The following SBF2 variants were observed in gnomAD, a reference collection of about 807,000 sequenced individuals.
SBF2 encodes SET binding factor 2, also known as myotubularin-related protein 13.
In SBF2, 112 loss-of-function variants were observed where a neutral mutation model predicts 225.2. That is an observed-to-expected ratio of 0.50 (90% confidence interval 0.43 to 0.58). The LOEUF (loss-of-function observed/expected upper bound fraction) is 0.58. Ranked by LOEUF, SBF2 falls within the 20% of genes least tolerant of loss-of-function variation. The probability of loss-of-function intolerance (pLI) is 0.00; values close to 1 mark genes in which losing one functional copy is unlikely to be tolerated. For synonymous variants in SBF2, 763 were observed against 773.3 expected, an observed-to-expected ratio of 0.99 and a Z score of 0.22; for missense variants, 1,996 against 2,206.2, an observed-to-expected ratio of 0.90 and a Z score of 1.91.
chr11:9,953,610 C>T (rs1044217419), intron 16 of SBF2, among the ~76,000 whole-genome samples: 16 of 152,140 alleles, frequency 1.1e-4, no homozygotes, highest in Non-Finnish European at 1.6e-4. Flanking sequence ...TCCAGCTTGA[C>T]GCAAAACTTT....
chr11:9,794,176 G>A (rs1852938748), intron 33 of SBF2, among the ~76,000 whole-genome samples: 1 of 151,620 alleles, frequency 6.6e-6, no homozygotes, highest in Non-Finnish European at 1.5e-5. Flanking sequence ...AGGAGACCCT[G>A]CCTCAAAAAC....
intron 6 of SBF2, among the ~76,000 whole-genome samples, chr11:10,006,519 T>A (rs937165710): frequency 2.6e-5 from 4 of 152,188 alleles, no homozygotes; most frequent in African/African-American, 9.6e-5. Context: ...CCCACTTACT[T>A]GCTTTTTTTG....
At chr11:9,966,381 C>T (rs7930854) in intron 14 of SBF2, among the ~76,000 whole-genome samples, 5,705 of 152,268 alleles carry the variant, frequency 0.037, 338 homozygotes, top group African/African-American at 0.13. Context: ...TGAGCCACCA[C>T]GCCCAGCCAG....
intron 16 of SBF2, among the ~76,000 whole-genome samples, chr11:9,911,458 G>A (rs577852578): frequency 5.9e-5 from 9 of 151,946 alleles, no homozygotes; most frequent in East Asian, 1.9e-4. Flanking sequence ...ATACAATACC[G>A]TGGCTTTTAA....
chr11:9,846,250 T>TCAG (rs1371839027), intron 23 of SBF2, among the ~76,000 whole-genome samples: 3 of 152,168 alleles, frequency 2.0e-5, no homozygotes, highest in African/African-American at 7.2e-5. Context: ...AGCCTAAAGA[T>TCAG]CAGCAGCCTT....
chr11:10,227,677 C>G (rs1050618650), intron 1 of SBF2, among the ~76,000 whole-genome samples: 5 of 152,124 alleles, frequency 3.3e-5, no homozygotes, highest in African/African-American at 1.2e-4. Flanking sequence ...TTCCATTGGT[C>G]TATATATCTG....
At chr11:10,026,730 C>T (rs1565148579) in intron 6 of SBF2, among the ~76,000 whole-genome samples, 1 of 151,956 alleles carries the variant, frequency 6.6e-6, no homozygotes, top group South Asian at 2.1e-4. Flanking sequence ...TGACTAAGAT[C>T]CTGTCTCCAA....
At chr11:10,168,937 T>C (rs1956081653) in intron 2 of SBF2, among the ~76,000 whole-genome samples, 1 of 152,244 alleles carries the variant, frequency 6.6e-6, no homozygotes, top group Admixed American at 6.5e-5. Flanking sequence ...AGCAGTTTAA[T>C]ACTCTTTCCA....
chr11:9,859,743 G>A (rs976208624), intron 17 of SBF2, among the ~76,000 whole-genome samples: 3 of 152,094 alleles, frequency 2.0e-5, no homozygotes, highest in Admixed American at 6.6e-5. Context: ...AAAATTACAC[G>A]CTCAATACAT....
In SBF2 at chr11:9,781,565, A is replaced by G; in HGVS notation, c.5393T>C (p.Ile1798Thr). ...HIDLAEVEMV[I>T]PAGPSMGAPK... ...GGCTCCCATGCTGGGGCCAGCAGGG[A>G]TGACCATTTCTACTTCAGCCAGATC... is the stretch of plus-strand genomic sequence containing the variant. The change falls in exon 39 of 40, where the codon ATC (isoleucine) becomes ACC (threonine). Residue 1798 changes from isoleucine to threonine, a missense_variant. Transcript: ENST00000256190. 1 of 1,614,248 alleles carries G rather than the reference A, an allele frequency of 6.2e-7. No homozygotes were observed. Among genetic ancestry groups the G allele is most frequent in the Non-Finnish European group, 8.5e-7 (1 of 1,180,042 alleles).
intron 34 of SBF2, 105 bp from the exon 35 acceptor site, chr11:9,789,447 T>C (rs1461439171): frequency 1.3e-6 from 1 of 744,890 alleles, no homozygotes; most frequent in Admixed American, 2.2e-5. Context: ...AGGAAGAGTA[T>C]GAATGGAGTT....
intron 1 of SBF2, among the ~76,000 whole-genome samples, chr11:10,291,148 T>A (rs929343749): frequency 2.0e-5 from 3 of 152,216 alleles, no homozygotes; most frequent in African/African-American, 7.2e-5. Context: ...ATAGTCTGAA[T>A]GTGTATGTCC....
intron 16 of SBF2, among the ~76,000 whole-genome samples, chr11:9,936,624 TA>T (rs1381139563): frequency 3.9e-5 from 6 of 152,168 alleles, no homozygotes; most frequent in African/African-American, 7.2e-5. Context: ...TATGCAGCCA[TA>T]AAAAAGGATG....
At chr11:10,073,134 G>C (rs1950960051) in intron 2 of SBF2, among the ~76,000 whole-genome samples, 1 of 151,984 alleles carries the variant, frequency 6.6e-6, no homozygotes, top group South Asian at 2.1e-4. Flanking sequence ...ATTGCAATAT[G>C]GGATCTACAG....
At chr11:10,152,317 A>G (rs1349705307) in intron 2 of SBF2, among the ~76,000 whole-genome samples, 1 of 152,130 alleles carries the variant, frequency 6.6e-6, no homozygotes, top group Non-Finnish European at 1.5e-5. Flanking sequence ...TTGGGAGGCC[A>G]AGGTGGGCAG....
intron 30 of SBF2, 109 bp from the exon 31 acceptor site, chr11:9,809,111 T>A: frequency 1.3e-6 from 1 of 762,800 alleles, no homozygotes; most frequent in South Asian, 1.5e-5. Context: ...GATAAAGCGC[T>A]TGCACAAAAG....
At chr11:10,001,389 G>A (rs1947949274) in intron 7 of SBF2, among the ~76,000 whole-genome samples, 1 of 151,662 alleles carries the variant, frequency 6.6e-6, no homozygotes, top group African/African-American at 2.4e-5. Context: ...ATGAGGCAAT[G>A]ATTTATCTAT....
At chr11:10,135,210 A>G (rs1230166425) in intron 2 of SBF2, among the ~76,000 whole-genome samples, 1 of 152,220 alleles carries the variant, frequency 6.6e-6, no homozygotes, top group African/African-American at 2.4e-5. Flanking sequence ...TAGAGCAGCT[A>G]GGAGGCAGGG....
intron 16 of SBF2, among the ~76,000 whole-genome samples, chr11:9,925,354 T>G (rs1266737651): frequency 6.6e-6 from 1 of 152,160 alleles, no homozygotes; most frequent in Non-Finnish European, 1.5e-5. Flanking sequence ...CTTGGCTCAC[T>G]GCAACCTCCA....
Sources: allele counts gnomAD v4.1 joint callset (sites outside exome capture counted in the v4.1 genomes callset), GRCh38; gene constraint gnomAD v4.1.1; transcripts MANE v1.5; gene names NCBI Gene and HGNC (gene_info 2026-07-23, HGNC 2026-07-21).